Variants in CDCA5 observed in about 807,000 individuals in gnomAD.
The protein encoded by CDCA5 is sororin.
A neutral mutation model predicts 25.7 loss-of-function variants in CDCA5; 14 were observed. The ratio of observed to expected loss-of-function variants is 0.54; its 90% confidence interval spans 0.36 to 0.85. The LOEUF is 0.85. Among genes scored for constraint, CDCA5 ranks in the 40% least tolerant of loss-of-function variants. CDCA5 has a pLI of 0.01. For synonymous variants in CDCA5, 127 were observed against 128.7 expected, an observed-to-expected ratio of 0.99 and a Z score of 0.09; for missense variants, 307 against 324.5, an observed-to-expected ratio of 0.95 and a Z score of 0.41.
In CDCA5 at chr11:65,079,006, A is replaced by G; in HGVS notation, c.*101T>C. The G allele has an allele frequency of 7.3e-7, 1 of 1,367,054 alleles. No homozygotes were observed. The highest frequency in any genetic ancestry group is 9.4e-7 in the Non-Finnish European group (1 of 1,061,496). The allele number at this position is 1,367,054 out of a possible 1,614,324, so 84.7% of individuals were successfully genotyped here. ...GCGCAGCACCAGCACACACACAGGT[A>G]ACAAGACCAGGGGAGGGGACCCTAA... On this transcript the variant is annotated 3_prime_UTR_variant, in exon 6 of 6. Coordinates refer to ENST00000275517, the MANE Select transcript of CDCA5 (RefSeq NM_080668.4).
intron 1 of CDCA5, among the ~76,000 whole-genome samples, chr11:65,070,470 A>G (rs1424913067): frequency 1.3e-5 from 2 of 152,174 alleles, no homozygotes; most frequent in African/African-American, 4.8e-5. Context: ...CAGATAAACG[A>G]TGAATTTTTT....
chr11:65,061,334 C>T (rs1947183009), downstream of CDCA5, among the ~76,000 whole-genome samples: 2 of 152,172 alleles, frequency 1.3e-5, no homozygotes, highest in African/African-American at 4.8e-5. Context: ...ATACAGCGGC[C>T]CCTGCTGGAA....
At chr11:65,072,792 GCAGA>G (rs1947364803), downstream of CDCA5, among the ~76,000 whole-genome samples, 1 of 152,150 alleles carries the variant, frequency 6.6e-6, no homozygotes. Flanking sequence ...TGTGTGCAGA[GCAGA>G]CAGAATGGAG....
downstream of CDCA5, among the ~76,000 whole-genome samples, chr11:65,072,938 CTTTTT>C (rs751923442): frequency 1.0e-5 from 1 of 99,958 alleles, no homozygotes; most frequent in African/African-American, 4.0e-5. Flanking sequence ...TTATTTCATT[CTTTTT>C]TTTTTTTTTT....
rs1947499757 is a variant in CDCA5, at chr11:65,078,992, G to GCA, written c.*113_*114dup. On this transcript the variant is annotated 3_prime_UTR_variant, in exon 6 of 6. Coordinates refer to ENST00000275517, the MANE Select transcript of CDCA5 (RefSeq NM_080668.4). ...CAGACAGTCCTCATGCGCAGCACCA[G>GCA]CACACACACAGGTAACAAGACCAGG... 2.2e-6 allele frequency: 3 copies of GCA among 1,345,902 alleles called. No individual in the cohort carries two copies. The highest frequency in any genetic ancestry group is 2.3e-5 in the South Asian group (1 of 42,688). 83.4% of individuals were successfully genotyped at this position (1,345,902 alleles called of 1,614,324 possible). A position where few individuals can be genotyped will look rare whatever the true frequency, so the allele number is the denominator to read the frequency against.
chr11:65,081,542 G>A (rs1052545098), intron 4 of CDCA5, among the ~76,000 whole-genome samples: 2 of 152,134 alleles, frequency 1.3e-5, no homozygotes, highest in African/African-American at 4.8e-5. Context: ...CCTGCTCGAT[G>A]TACCATGAAT....
downstream of CDCA5, among the ~76,000 whole-genome samples, chr11:65,076,148 C>T (rs1391214863): frequency 6.6e-6 from 1 of 152,224 alleles, no homozygotes; most frequent in Non-Finnish European, 1.5e-5. Context: ...AGGGTCTTTA[C>T]TCTGTTGCCC....
intron 1 of CDCA5, among the ~76,000 whole-genome samples, chr11:65,070,382 G>A (rs903710726): frequency 8.5e-5 from 13 of 152,204 alleles, no homozygotes; most frequent in African/African-American, 2.7e-4. Context: ...GGGTCTTAAC[G>A]GTGGTATGGG....
chr11:65,066,872 C>A lies in CDCA5; in HGVS notation c.376G>T (p.Glu126Ter), dbSNP rs1321111778. ...TGCACTTGGGTGGTGTTCAGTGACT[C>A]CCGAAGCCTAGGGTTGAAAAACAGA... The change falls in exon 5 of 7, where the codon GAG becomes TAG. Residue 126 changes from glutamate (E) to a stop codon, truncating the protein, a stop_gained. Transcript: ENST00000525464. LOFTEE classifies it high-confidence loss of function. 1 of 1,289,304 alleles carries A rather than the reference C, an allele frequency of 7.8e-7. No individual in the cohort carries two copies. Among genetic ancestry groups the A allele is most frequent in the East Asian group, 5.6e-5 (1 of 18,016 alleles). 79.9% of individuals were successfully genotyped at this position (1,289,304 alleles called of 1,614,324 possible). A position where few individuals can be genotyped will look rare whatever the true frequency, so the allele number is the denominator to read the frequency against.
chr11:65,061,435 A>C (rs1291447554), downstream of CDCA5, among the ~76,000 whole-genome samples: 1 of 152,158 alleles, frequency 6.6e-6, no homozygotes, highest in Non-Finnish European at 1.5e-5. Context: ...GTGTGAGATA[A>C]TACATGTTTA....
At chr11:65,081,359 C>T (rs1041375786) in intron 4 of CDCA5, among the ~76,000 whole-genome samples, 1 of 151,410 alleles carries the variant, frequency 6.6e-6, no homozygotes, top group African/African-American at 2.4e-5. Flanking sequence ...ACCTGGGAGG[C>T]GGAGGTTGCA....
At position 65,066,991 on chromosome 11, in the gene CDCA5, C is replaced by T. The variant is rs75730880; in HGVS notation, c.369-112G>A. The T allele has an allele frequency of 7.9e-4, 541 of 685,126 alleles. 3 individuals are homozygous for T. In the African/African-American group the frequency reaches 9.4e-3, roughly 12 times the overall value. 42.4% of individuals were successfully genotyped at this position (685,126 alleles called of 1,614,324 possible). On this transcript the variant is annotated intron_variant, in intron 4 of 6. Coordinates refer to the CDCA5 transcript ENST00000525464. ...CACCTGGTCCTATAGCCACCTGGGA[C>T]CAGTGTTTCAGTAAGAGCCCAGTCT...
At position 65,078,288 on chromosome 11, in the gene CDCA5, C is replaced by T. The variant is rs1051850877; in HGVS notation, c.*819G>A. ...CTGCAGCAGAGTGGTAAGACTCCAG[C>T]GTGGGCCCTGTGCAAGGGACCAGCC... On this transcript the variant is annotated 3_prime_UTR_variant, in exon 6 of 6. Coordinates refer to ENST00000275517, the MANE Select transcript of CDCA5 (RefSeq NM_080668.4). The T allele has an allele frequency of 1.0e-5, 10 of 985,322 alleles. No individual in the cohort carries two copies. In the Middle Eastern group the frequency reaches 1.5e-3, roughly 153 times the overall value. The allele number at this position is 985,322 out of a possible 1,614,324, so 61.0% of individuals were successfully genotyped here. A position where few individuals can be genotyped will look rare whatever the true frequency, so the allele number is the denominator to read the frequency against.
chr11:65,083,944 G>A lies in CDCA5; in HGVS notation c.35C>T (p.Ala12Val). Reference sequence around the variant, plus strand: ...CGCCCTCCGCTCACCGGAGCGCTGAGCGGCTCCTCCGGACCGCGTTCGCCT... The same window carrying A: ...CGCCCTCCGCTCACCGGAGCGCTGAACGGCTCCTCCGGACCGCGTTCGCCT... ...SGRRTRSGGA[A>V]QRSGPRAPSP... Residue 12 changes from alanine to valine, a missense_variant, in exon 1 of 6, where the codon GCT becomes GTT. Transcript: ENST00000275517. 3.7e-6 allele frequency: 6 copies of A among 1,609,342 alleles called. No individual in the cohort carries two copies. Among genetic ancestry groups the A allele is most frequent in the Non-Finnish European group, 5.1e-6 (6 of 1,179,488 alleles).
At chr11:65,069,101 A>G (rs1049443602) in intron 1 of CDCA5, among the ~76,000 whole-genome samples, 2 of 152,108 alleles carry the variant, frequency 1.3e-5, no homozygotes, top group African/African-American at 4.8e-5. Context: ...TTGGCTGGGC[A>G]TCGTGGCGTG....
chr11:65,083,955 G>C lies in CDCA5; in HGVS notation c.24C>G (p.Ser8=). 1.3e-6 allele frequency: 2 copies of C among 1,598,158 alleles called. No individual in the cohort carries two copies. Among genetic ancestry groups the C allele is most frequent in the South Asian group, 1.1e-5 (1 of 90,556 alleles). Reference sequence around the variant, plus strand: ...CACCGGAGCGCTGAGCGGCTCCTCCGGACCGCGTTCGCCTCCCAGACATAA... The same window carrying C: ...CACCGGAGCGCTGAGCGGCTCCTCCCGACCGCGTTCGCCTCCCAGACATAA... MSGRRTR[S]GGAAQRSGPR... The change falls in exon 1 of 6, where the codon TCC becomes TCG. Residue 8 remains serine (S), a synonymous_variant. Transcript: ENST00000275517.
chr11:65,080,991 G>A (rs769360132), intron 4 of CDCA5, among the ~76,000 whole-genome samples: 2 of 152,208 alleles, frequency 1.3e-5, no homozygotes, highest in Non-Finnish European at 2.9e-5. Flanking sequence ...GTGTGGGAGT[G>A]ACTCATGGCC....
chr11:65,067,608 G>C, intron 4 of CDCA5: 1 of 1,203,150 alleles, frequency 8.3e-7, no homozygotes, highest in Non-Finnish European at 1.1e-6. Flanking sequence ...CCTTGGTCGG[G>C]GGAAGCCCTG....
At chr11:65,075,376 A>G (rs1947423845), downstream of CDCA5, among the ~76,000 whole-genome samples, 1 of 152,208 alleles carries the variant, frequency 6.6e-6, no homozygotes, top group East Asian at 1.9e-4. Flanking sequence ...TAGCCTGGGC[A>G]ACAAAAGTGA....
Sources: gnomAD v4.1 joint callset for allele counts (sites outside exome capture counted in the v4.1 genomes callset) on GRCh38, gnomAD v4.1.1 for gene constraint, MANE v1.5 for transcripts, NCBI Gene and HGNC (gene_info 2026-07-23, HGNC 2026-07-21) for gene names.